PBX1: variants seen among roughly 807,000 people sequenced by gnomAD.
The protein encoded by PBX1 is pre-B-cell leukemia transcription factor 1.
In PBX1, 6 loss-of-function variants were observed where a neutral mutation model predicts 53.4. The ratio of observed to expected loss-of-function variants is 0.11; its 90% CI spans 0.06 to 0.22. PBX1 has a LOEUF of 0.22. Ranked by LOEUF, PBX1 falls within the 10% of genes least tolerant of loss-of-function variation. The pLI is 1.00. For synonymous variants in PBX1, 204 were observed against 212.3 expected, an observed-to-expected ratio of 0.96 and a Z score of 0.34; for missense variants, 251 against 551.4, an observed-to-expected ratio of 0.46 and a Z score of 5.46.
intron 2 of PBX1, among the ~76,000 whole-genome samples, chr1:164,874,149 A>C (rs1275614137): frequency 6.6e-6 from 1 of 152,184 alleles, no homozygotes; most frequent in African/African-American, 2.4e-5. Context: ...GAGATGTGTA[A>C]GGTTCAAGGA....
At chr1:164,718,604 G>A (rs920452422) in intron 2 of PBX1, among the ~76,000 whole-genome samples, 1 of 152,192 alleles carries the variant, frequency 6.6e-6, no homozygotes, top group Non-Finnish European at 1.5e-5. Flanking sequence ...TGACATAGAA[G>A]CACATGGGCA....
chr1:164,569,564 A>ATTTTTTTT lies in PBX1; in HGVS notation c.265+6272_265+6279dup, dbSNP rs71097535. Among the ~76,000 whole-genome samples, 5 of 78,186 alleles carry ATTTTTTTT rather than the reference A, an allele frequency of 6.4e-5. 1 individual carries two copies. The highest frequency in any genetic ancestry group is 3.5e-4 in the Admixed American group (2 of 5,730). The allele number at this position is 78,186 out of a possible 152,430, so 51.3% of individuals were successfully genotyped here. On this transcript the variant is annotated intron_variant, in intron 2 of 8. Coordinates refer to ENST00000420696, the MANE Select transcript of PBX1 (RefSeq NM_002585.4). ...AGATTTGCTTTCTTTTTTTCCTTGC[A>ATTTTTTTT]TTTTTTTTTTTTTTTTTTTTTTTTT...
At chr1:164,659,129 A>G (rs577624992) in intron 2 of PBX1, among the ~76,000 whole-genome samples, 1 of 152,332 alleles carries the variant, frequency 6.6e-6, no homozygotes, top group African/African-American at 2.4e-5. Flanking sequence ...ACAATGTCAC[A>G]TGGACACAGA....
chr1:164,603,577 G>A (rs1415945962), intron 2 of PBX1, among the ~76,000 whole-genome samples: 2 of 152,166 alleles, frequency 1.3e-5, no homozygotes, highest in Non-Finnish European at 2.9e-5. Flanking sequence ...AATGTAATAT[G>A]TGTTTTTAAG....
chr1:164,865,463 T>C (rs1423363661), intron 2 of PBX1, among the ~76,000 whole-genome samples: 1 of 152,212 alleles, frequency 6.6e-6, no homozygotes, highest in South Asian at 2.1e-4. Flanking sequence ...AAAGGTGTTT[T>C]GAAGGTATGG....
intron 2 of PBX1, among the ~76,000 whole-genome samples, chr1:164,668,360 A>C (rs1332164260): frequency 3.3e-5 from 5 of 152,196 alleles, no homozygotes; most frequent in Non-Finnish European, 7.3e-5. Context: ...TTTGAGGGTC[A>C]GACTTTACTC....
intron 2 of PBX1, among the ~76,000 whole-genome samples, chr1:164,876,557 G>A (rs1200294625): frequency 6.6e-6 from 1 of 151,864 alleles, no homozygotes; most frequent in Non-Finnish European, 1.5e-5. Context: ...GCGGGGCAGG[G>A]AATTAACATT....
At chr1:164,729,621 A>G (rs1230040968) in intron 2 of PBX1, among the ~76,000 whole-genome samples, 3 of 152,196 alleles carry the variant, frequency 2.0e-5, no homozygotes, top group African/African-American at 7.2e-5. Flanking sequence ...AGAAGTAGAT[A>G]TGGTAGGTAT....
chr1:164,702,970 T>G (rs1268520364), intron 2 of PBX1: 1 of 151,916 alleles, frequency 6.6e-6, no homozygotes, highest in African/African-American at 2.4e-5. Flanking sequence ...ACCATATATA[T>G]CTTTGGATTT....
Position 164,848,044 on chromosome 1 carries a change from C to G in PBX1, c.*1368C>G, listed in dbSNP as rs1671656376. On this transcript the variant is annotated 3_prime_UTR_variant, in exon 9 of 9. Coordinates refer to ENST00000420696, the MANE Select transcript of PBX1 (RefSeq NM_002585.4). Reference sequence around the variant, plus strand: ...ACCACACTATGTTCTTGGTCCTGACCTATTGCTCTGGAGGAAAGAGTTGTA... The same window carrying G: ...ACCACACTATGTTCTTGGTCCTGACGTATTGCTCTGGAGGAAAGAGTTGTA... 1.9e-6 allele frequency: 2 copies of G among 1,050,048 alleles called. No individual in the cohort carries two copies. The highest frequency in any genetic ancestry group is 3.3e-5 in the African/African-American group (2 of 60,186). The allele number at this position is 1,050,048 out of a possible 1,614,324, so 65.0% of individuals were successfully genotyped here.
chr1:164,861,826 A>T (rs930316800), intron 2 of PBX1, among the ~76,000 whole-genome samples: 2 of 152,226 alleles, frequency 1.3e-5, no homozygotes, highest in African/African-American at 4.8e-5. Flanking sequence ...AGAACAGCTC[A>T]TGCAAAGGCC....
chr1:164,573,037 GA>G (rs1386602195), intron 2 of PBX1, among the ~76,000 whole-genome samples: 6 of 152,148 alleles, frequency 3.9e-5, no homozygotes, highest in African/African-American at 1.4e-4. Flanking sequence ...TCTGTGGAGA[GA>G]ATCTCACAGA....
At chr1:164,635,733 A>C (rs866281827) in intron 2 of PBX1, among the ~76,000 whole-genome samples, 1 of 152,216 alleles carries the variant, frequency 6.6e-6, no homozygotes, top group Non-Finnish European at 1.5e-5. Context: ...ATTTACGTCT[A>C]TTATATTGCA....
At chr1:164,591,842 C>T (rs1019617308) in intron 2 of PBX1, among the ~76,000 whole-genome samples, 1 of 152,206 alleles carries the variant, frequency 6.6e-6, no homozygotes, top group Non-Finnish European at 1.5e-5. Context: ...CATTCTAACC[C>T]AGTGCTCCTG....
At chr1:164,637,362 A>C (rs960692216) in intron 2 of PBX1, among the ~76,000 whole-genome samples, 8 of 152,192 alleles carry the variant, frequency 5.3e-5, no homozygotes, top group Admixed American at 4.6e-4. Flanking sequence ...GAGAGAAAAA[A>C]TGGATTAACG....
intron 2 of PBX1, among the ~76,000 whole-genome samples, chr1:164,859,754 T>A (rs1453019288): frequency 6.6e-6 from 1 of 152,170 alleles, no homozygotes; most frequent in Non-Finnish European, 1.5e-5. Flanking sequence ...CAGGCACTGC[T>A]CTGTACCCCA....
chr1:164,866,448 A>G (rs12095760), intron 2 of PBX1, among the ~76,000 whole-genome samples: 10,391 of 152,320 alleles, frequency 0.068, 424 homozygotes, highest in East Asian at 0.17. Context: ...GTGACAACAT[A>G]GGACAGCAAC....
At chr1:164,670,375 CT>C (rs1661047752) in intron 2 of PBX1, among the ~76,000 whole-genome samples, 1 of 152,214 alleles carries the variant, frequency 6.6e-6, no homozygotes, top group Non-Finnish European at 1.5e-5. Flanking sequence ...AATTTCAGCA[CT>C]TCCACTGGAA....
intron 2 of PBX1, among the ~76,000 whole-genome samples, chr1:164,599,858 T>A (rs1435149390): frequency 6.6e-6 from 1 of 151,516 alleles, no homozygotes; most frequent in Non-Finnish European, 1.5e-5. Context: ...CTCTCCCCGC[T>A]TTTTTTTTCT....
Sources: gnomAD v4.1 joint callset for allele counts (sites outside exome capture counted in the v4.1 genomes callset) on GRCh38, gnomAD v4.1.1 for gene constraint, MANE v1.5 for transcripts, NCBI Gene and HGNC (gene_info 2026-07-23, HGNC 2026-07-21) for gene names.